CPQ: variants seen among roughly 807,000 people sequenced by gnomAD.
CPQ encodes carboxypeptidase Q.
CPQ carries 37 observed loss-of-function variants against 45.7 expected under a neutral mutation model. That is an observed-to-expected ratio of 0.81 (90% CI 0.62 to 1.07). CPQ has a LOEUF of 1.07. CPQ is among the 50% of genes least tolerant of loss of function. CPQ has a pLI of 0.00. For synonymous variants in CPQ, 186 were observed against 205.8 expected (o/e 0.90, Z 0.82); for missense variants, 537 against 572.9 (o/e 0.94, Z 0.64).
chr8:96,950,206 A>G (rs1465464895), intron 4 of CPQ, among the ~76,000 whole-genome samples: 2 of 152,158 alleles, frequency 1.3e-5, no homozygotes, highest in African/African-American at 4.8e-5. Flanking sequence ...GTAGTCGAGA[A>G]TAAACTTCTT....
At chr8:96,721,793 G>C (rs112052332) in intron 1 of CPQ, among the ~76,000 whole-genome samples, 3,656 of 152,068 alleles carry the variant, frequency 0.024, 161 homozygotes, top group African/African-American at 0.083. Context: ...TTTCACTCTC[G>C]ACCTTGAACC....
chr8:96,884,510 G>A (rs940071861), intron 4 of CPQ, among the ~76,000 whole-genome samples: 6 of 152,124 alleles, frequency 3.9e-5, no homozygotes, highest in South Asian at 4.1e-4. Context: ...AATCAGAGGT[G>A]AGCAGAAGAC....
intron 1 of CPQ, among the ~76,000 whole-genome samples, chr8:96,747,187 A>G (rs1209164501): frequency 1.3e-5 from 2 of 151,330 alleles, no homozygotes; most frequent in Non-Finnish European, 2.9e-5. Flanking sequence ...GCTACTCTGG[A>G]GGCCAAGGCA....
chr8:97,036,515 G>A (rs549780032), intron 6 of CPQ, among the ~76,000 whole-genome samples: 28 of 152,316 alleles, frequency 1.8e-4, no homozygotes, highest in Non-Finnish European at 3.7e-4. Context: ...ATATAGATGA[G>A]TTTATTGAAT....
intron 3 of CPQ, among the ~76,000 whole-genome samples, chr8:96,873,462 G>C (rs1812105194): frequency 6.6e-6 from 1 of 151,378 alleles, no homozygotes; most frequent in African/African-American, 2.4e-5. Flanking sequence ...GTTAATGACA[G>C]TATAAAAGTC....
intron 7 of CPQ, among the ~76,000 whole-genome samples, chr8:97,108,998 G>T (rs1811455261): frequency 6.6e-6 from 1 of 152,160 alleles, no homozygotes; most frequent in African/African-American, 2.4e-5. Flanking sequence ...TAACTCATCA[G>T]CATTCAGAGA....
chr8:96,763,981 A>C (rs1413475500), intron 1 of CPQ, among the ~76,000 whole-genome samples: 1 of 152,208 alleles, frequency 6.6e-6, no homozygotes, highest in Admixed American at 6.5e-5. Context: ...CAGTTTAAAA[A>C]AGTTAAACAT....
intron 7 of CPQ, among the ~76,000 whole-genome samples, chr8:97,097,660 T>C (rs977079602): frequency 1.3e-5 from 2 of 151,860 alleles, no homozygotes; most frequent in African/African-American, 4.8e-5. Context: ...TGGGGAACAG[T>C]TTGTGGGAGG....
intron 4 of CPQ, among the ~76,000 whole-genome samples, chr8:96,897,310 A>G (rs926753492): frequency 5.3e-5 from 8 of 151,892 alleles, no homozygotes; most frequent in Admixed American, 2.6e-4. Context: ...CACAAACTCA[A>G]CCTCTATGCT....
chr8:96,945,444 C>T (rs367962529), intron 4 of CPQ, among the ~76,000 whole-genome samples: 51 of 152,154 alleles, frequency 3.4e-4, no homozygotes, highest in Admixed American at 6.5e-4. Context: ...TGTTGTGTTC[C>T]ATTGATCTTA....
intron 1 of CPQ, among the ~76,000 whole-genome samples, chr8:96,747,499 T>C (rs1462006289): frequency 6.6e-6 from 1 of 152,158 alleles, no homozygotes; most frequent in Non-Finnish European, 1.5e-5. Context: ...TCAAAATTCA[T>C]CCATGTGACT....
intron 7 of CPQ, among the ~76,000 whole-genome samples, chr8:97,088,272 G>A (rs1282628922): frequency 6.6e-6 from 1 of 152,118 alleles, no homozygotes; most frequent in Non-Finnish European, 1.5e-5. Context: ...GTTCATCTTT[G>A]ATCAATTGAA....
At chr8:96,718,610 G>C (rs911392536) in intron 1 of CPQ, among the ~76,000 whole-genome samples, 1 of 152,100 alleles carries the variant, frequency 6.6e-6, no homozygotes, top group African/African-American at 2.4e-5. Context: ...AGCTTCCACA[G>C]CGTGGAAGGG....
chr8:97,119,710 G>T (rs543540345), intron 7 of CPQ, among the ~76,000 whole-genome samples: 3 of 152,140 alleles, frequency 2.0e-5, no homozygotes, highest in Non-Finnish European at 4.4e-5. Flanking sequence ...CCCCTGCATC[G>T]TGACACTACA....
intron 3 of CPQ, among the ~76,000 whole-genome samples, chr8:96,848,899 C>A (rs188261122): frequency 1.4e-3 from 209 of 152,196 alleles, no homozygotes; most frequent in African/African-American, 4.5e-3. Flanking sequence ...AAATTTCAAT[C>A]TTTTCTCAAG....
At chr8:96,843,954 C>T (rs891910205) in intron 3 of CPQ, among the ~76,000 whole-genome samples, 4 of 152,178 alleles carry the variant, frequency 2.6e-5, no homozygotes, top group African/African-American at 9.7e-5. Context: ...TTTTCATCTG[C>T]TTATAACCTT....
intron 3 of CPQ, among the ~76,000 whole-genome samples, chr8:96,874,990 GCTTGTTTTTATCT>G (rs1812126876): frequency 6.6e-6 from 1 of 151,706 alleles, no homozygotes; most frequent in African/African-American, 2.4e-5. Context: ...CCTCCCCAAT[GCTTGTTTTTATCT>G]CTTTTTGGTA....
intron 6 of CPQ, among the ~76,000 whole-genome samples, chr8:97,035,257 C>A (rs1480986167): frequency 6.6e-6 from 1 of 152,122 alleles, no homozygotes; most frequent in African/African-American, 2.4e-5. Context: ...TTCTCCAGAA[C>A]GAATGAAGCA....
At chr8:96,961,844 A>G (rs1340503623) in intron 4 of CPQ, among the ~76,000 whole-genome samples, 2 of 152,068 alleles carry the variant, frequency 1.3e-5, no homozygotes, top group African/African-American at 4.8e-5. Context: ...GCATTAGCTC[A>G]TTTTCCTAAG....
Sources: allele counts gnomAD v4.1 joint callset (sites outside exome capture counted in the v4.1 genomes callset), GRCh38; gene constraint gnomAD v4.1.1; transcripts MANE v1.5; gene names NCBI Gene and HGNC (gene_info 2026-07-23, HGNC 2026-07-21).